ANO4: variants seen among roughly 807,000 people sequenced by gnomAD.
The protein encoded by ANO4 is anoctamin-4.
A neutral mutation model predicts 141.9 loss-of-function variants in ANO4; 69 were observed. That is an observed-to-expected ratio of 0.49 (90% CI 0.40 to 0.59). The LOEUF is 0.59. Among genes scored for constraint, ANO4 ranks in the 20% least tolerant of loss-of-function variants. The pLI, the probability that ANO4 is intolerant of heterozygous loss-of-function variation, is 0.00. For missense variants in ANO4, 894 were observed against 1,162.2 expected, an observed-to-expected ratio of 0.77 and a Z score of 3.36; for synonymous variants, 350 against 394.3, an observed-to-expected ratio of 0.89 and a Z score of 1.33.
intron 2 of ANO4, among the ~76,000 whole-genome samples, chr12:100,909,737 A>G (rs1226159791): frequency 6.6e-6 from 1 of 152,158 alleles, no homozygotes; most frequent in Non-Finnish European, 1.5e-5. Flanking sequence ...GGTGCATTAC[A>G]CTGGTTCTGA....
chr12:100,881,322 A>G (rs954144809), intron 1 of ANO4, among the ~76,000 whole-genome samples: 6 of 151,994 alleles, frequency 3.9e-5, no homozygotes, highest in Non-Finnish European at 5.9e-5. Context: ...AAAGGCAGGA[A>G]GAAATGGAAG....
intron 1 of ANO4, among the ~76,000 whole-genome samples, chr12:100,860,845 A>T (rs780950335): frequency 6.6e-6 from 1 of 152,216 alleles, no homozygotes; most frequent in Non-Finnish European, 1.5e-5. Flanking sequence ...TTATCATTGT[A>T]TGACTATCAC....
At chr12:100,874,038 G>A (rs2039171098) in intron 1 of ANO4, among the ~76,000 whole-genome samples, 2 of 152,262 alleles carry the variant, frequency 1.3e-5, no homozygotes, top group South Asian at 2.1e-4. Flanking sequence ...CCAGCCATAA[G>A]CGTTGGTAGC....
At chr12:100,869,579 T>C (rs1311184339) in intron 1 of ANO4, among the ~76,000 whole-genome samples, 1 of 152,228 alleles carries the variant, frequency 6.6e-6, no homozygotes, top group Non-Finnish European at 1.5e-5. Flanking sequence ...GCTGATCATG[T>C]ACTTGGTGCT....
rs900653742 is a variant in ANO4, at chr12:100,891,563, C to G, written c.-140-10083C>G. Among the ~76,000 whole-genome samples, 10 of 151,880 alleles carry G rather than the reference C, an allele frequency of 6.6e-5. No homozygotes were observed. The East Asian group carries it at 1.7e-3, about 26-fold the overall frequency. On this transcript the variant is annotated intron_variant, in intron 1 of 27. Coordinates refer to ENST00000392977, the MANE Select transcript of ANO4 (RefSeq NM_001286615.2). ...CGTTGTTTTAATTTGCAATTAATTA[C>G]CCAATGACATCTACATTATTTTTTA... is the stretch of plus-strand genomic sequence containing the variant.
intron 9 of ANO4, among the ~76,000 whole-genome samples, chr12:101,026,858 A>G (rs1484146957): frequency 1.8e-5 from 2 of 110,094 alleles, no homozygotes; most frequent in East Asian, 6.7e-4. Context: ...AATTCATAAA[A>G]GAAGAAAAAA....
Position 101,079,045 on chromosome 12 carries a change from A to G in ANO4, c.1313-148A>G. 4 of 695,466 alleles carry G rather than the reference A, an allele frequency of 5.8e-6. No individual in the cohort carries two copies. The South Asian group carries it at 6.7e-5, about 12-fold the overall frequency. The allele number at this position is 695,466 out of a possible 1,614,324, so 43.1% of individuals were successfully genotyped here. ...ATTCTCAGAAAATAGTCCTTGTGAAATGAAGCTCAGCTGGAAATTCTGATA... is the reference window on the plus strand; with the variant it reads ...ATTCTCAGAAAATAGTCCTTGTGAAGTGAAGCTCAGCTGGAAATTCTGATA... On this transcript the variant is annotated intron_variant, in intron 14 of 27. Transcript: ENST00000392977.
chr12:100,753,302 T>G (rs2032464691), intron 3 of ANO4, among the ~76,000 whole-genome samples: 1 of 152,164 alleles, frequency 6.6e-6, no homozygotes, highest in Admixed American at 6.5e-5. Flanking sequence ...TGTGAATAAT[T>G]GGGGCCAAAG....
At chr12:100,987,816 T>A (rs901081085) in intron 8 of ANO4, 146 bp downstream of exon 8, 1 of 1,161,084 alleles carries the variant, frequency 8.6e-7, no homozygotes, top group Admixed American at 2.6e-5. Flanking sequence ...TTCATATCCC[T>A]TTTATTTCAG....
chr12:100,808,048 T>C lies in ANO4; in HGVS notation c.-141+13021T>C, dbSNP rs546628717. 2.6e-5 allele frequency among the ~76,000 whole-genome samples: 4 copies of C among 152,320 alleles called. No individual in the cohort carries two copies. In the East Asian group the frequency reaches 5.8e-4, roughly 22 times the overall value. ...CATTCACATGCATGTATCTTTATGG[T>C]AGAATGATTTATATTCCTCTGGGTA... On this transcript the variant is annotated intron_variant, in intron 1 of 27. Transcript: ENST00000392977.
intron 1 of ANO4, among the ~76,000 whole-genome samples, chr12:100,806,787 C>T (rs2035082163): frequency 6.6e-6 from 1 of 151,728 alleles, no homozygotes; most frequent in Non-Finnish European, 1.5e-5. Flanking sequence ...TCTTATCTGC[C>T]TGCCTTGGCC....
At position 100,905,827 on chromosome 12, in the gene ANO4, G is replaced by A. The variant is rs146525316; in HGVS notation, c.55+3987G>A. ...GCATCAGTGAGAGGATGAGAGCTAT[G>A]CACAATAGGACCATGGATAGTTTAT... On this transcript the variant is annotated intron_variant, in intron 2 of 27. Transcript: ENST00000392977. Among the ~76,000 whole-genome samples the A allele has an allele frequency of 1.9e-3, 288 of 152,290 alleles. 2 individuals are homozygous for A. Among genetic ancestry groups the A allele is most frequent in the African/African-American group, 6.6e-3 (276 of 41,534 alleles).
chr12:101,003,556 T>C (rs2045740670), intron 8 of ANO4, among the ~76,000 whole-genome samples: 1 of 152,202 alleles, frequency 6.6e-6, no homozygotes, highest in Non-Finnish European at 1.5e-5. Flanking sequence ...GACAGTATGC[T>C]CAGGAATACC....
rs866743576 is a variant in ANO4, at chr12:101,057,362, G to T, written c.1312+8961G>T. 3.9e-5 allele frequency among the ~76,000 whole-genome samples: 6 copies of T among 152,246 alleles called. No individual in the cohort carries two copies. The East Asian group carries it at 1.2e-3, about 29-fold the overall frequency. ...TAGAATGATTTATAATCCTTTGGGT[G>T]TATACTCAGTAATGGGATTGCTGGG... On this transcript the variant is annotated intron_variant, in intron 14 of 27. Coordinates refer to ENST00000392977, the MANE Select transcript of ANO4 (RefSeq NM_001286615.2).
intron 3 of ANO4, among the ~76,000 whole-genome samples, chr12:100,743,597 A>C (rs142169166): frequency 9.9e-4 from 151 of 152,292 alleles, no homozygotes; most frequent in African/African-American, 3.4e-3. Context: ...AAATCAAGAA[A>C]TATTTTGAGG....
intron 3 of ANO4, among the ~76,000 whole-genome samples, chr12:100,936,468 G>A (rs188433116): frequency 6.6e-6 from 1 of 152,206 alleles, no homozygotes; most frequent in African/African-American, 2.4e-5. Flanking sequence ...TGAGAACCAC[G>A]GACATAGAGG....
chr12:100,952,930 T>C (rs2043030493), intron 5 of ANO4, among the ~76,000 whole-genome samples: 1 of 152,210 alleles, frequency 6.6e-6, no homozygotes, highest in Non-Finnish European at 1.5e-5. Context: ...GTATTTCATA[T>C]AACTCACGCA....
chr12:101,082,124 G>T (rs2049308797), intron 15 of ANO4, among the ~76,000 whole-genome samples: 1 of 152,116 alleles, frequency 6.6e-6, no homozygotes, highest in African/African-American at 2.4e-5. Flanking sequence ...ATGTGTTGGG[G>T]GTTGGACCTG....
At chr12:101,083,408 A>C (rs2136884011) in intron 15 of ANO4, among the ~76,000 whole-genome samples, 1 of 152,226 alleles carries the variant, frequency 6.6e-6, no homozygotes, top group Admixed American at 6.5e-5. Context: ...TTTTTCTTCA[A>C]GGTTAGTTTT....
Sources: allele counts gnomAD v4.1 joint callset (sites outside exome capture counted in the v4.1 genomes callset), GRCh38; gene constraint gnomAD v4.1.1; transcripts MANE v1.5; gene names NCBI Gene and HGNC (gene_info 2026-07-23, HGNC 2026-07-21).